CCDC122: variants seen among roughly 807,000 people sequenced by gnomAD.
The protein encoded by CCDC122 is coiled-coil domain containing 122, also known as coiled-coil domain-containing protein 122.
CCDC122 carries 38 observed loss-of-function variants against 37.0 expected under a neutral mutation model. The ratio of observed to expected loss-of-function variants is 1.03; its 90% CI spans 0.79 to 1.35. The LOEUF is 1.35. Among genes scored for constraint, CCDC122 ranks in the 40% most tolerant of loss-of-function variants. CCDC122 has a pLI of 0.00. For synonymous variants in CCDC122, 83 were observed against 95.6 expected (o/e 0.87, Z 0.77); for missense variants, 305 against 310.0 (o/e 0.98, Z 0.12).
chr13:43,833,426 G>T (rs998838450), downstream of CCDC122, among the ~76,000 whole-genome samples: 22 of 152,134 alleles, frequency 1.4e-4, no homozygotes, highest in African/African-American at 4.3e-4. Context: ...GCTTTCCTTT[G>T]CAGAAGACTC....
intron 6 of CCDC122, among the ~76,000 whole-genome samples, chr13:43,840,585 C>T (rs1179862508): frequency 6.6e-6 from 1 of 151,998 alleles, no homozygotes; most frequent in Admixed American, 6.5e-5. Flanking sequence ...CTTCCTGTGT[C>T]CATGTGTTCT....
At chr13:43,854,689 C>T (rs1321042319) in intron 6 of CCDC122, 1 of 152,106 alleles carries the variant, frequency 6.6e-6, no homozygotes, top group Admixed American at 6.6e-5. Context: ...AACTTCAGGT[C>T]AATATCCTTG....
At chr13:43,870,109 T>C (rs1175856460) in intron 2 of CCDC122, among the ~76,000 whole-genome samples, 1 of 152,156 alleles carries the variant, frequency 6.6e-6, no homozygotes, top group African/African-American at 2.4e-5. Flanking sequence ...ACCTGATATA[T>C]ATGCAACAAA....
At chr13:43,835,550 T>C (rs1953141474), downstream of CCDC122, among the ~76,000 whole-genome samples, 1 of 152,168 alleles carries the variant, frequency 6.6e-6, no homozygotes, top group Non-Finnish European at 1.5e-5. Flanking sequence ...ATTAAGGATA[T>C]TTTAGAAAAC....
intron 6 of CCDC122, among the ~76,000 whole-genome samples, chr13:43,841,066 CGGACAGTGGGTGCA>C (rs1301841356): frequency 1.3e-5 from 2 of 152,124 alleles, no homozygotes; most frequent in Non-Finnish European, 2.9e-5. Context: ...TGGGGAGTGT[CGGACAGTGGGTGCA>C]GGACAGTGGG....
intron 3 of CCDC122, among the ~76,000 whole-genome samples, chr13:43,830,452 T>C (rs1291451415): frequency 1.3e-5 from 2 of 152,010 alleles, no homozygotes; most frequent in Admixed American, 6.6e-5. Context: ...CCCAGAGAAA[T>C]TAGTAAGGGA....
downstream of CCDC122, among the ~76,000 whole-genome samples, chr13:43,821,508 G>A (rs1952992227): frequency 6.6e-6 from 1 of 152,216 alleles, no homozygotes; most frequent in South Asian, 2.1e-4. Context: ...ATAGGCGTAA[G>A]CCACTAGGCC....
At chr13:43,834,430 A>C (rs1439092800), downstream of CCDC122, among the ~76,000 whole-genome samples, 1 of 152,220 alleles carries the variant, frequency 6.6e-6, no homozygotes, top group Non-Finnish European at 1.5e-5. Flanking sequence ...CACCAAAAGC[A>C]ATGGCAACAA....
At chr13:43,851,285 T>C (rs7338481) in intron 6 of CCDC122, among the ~76,000 whole-genome samples, 1,812 of 152,260 alleles carry the variant, frequency 0.012, 38 homozygotes, top group African/African-American at 0.039. Context: ...TATGAGTAAA[T>C]AGACAGATAA....
intron 6 of CCDC122, among the ~76,000 whole-genome samples, chr13:43,838,484 T>TA (rs1953236024): frequency 6.6e-6 from 1 of 152,130 alleles, no homozygotes; most frequent in South Asian, 2.1e-4. Context: ...CCAATCTTCT[T>TA]AAAAAACAGC....
chr13:43,851,653 C>A (rs1270490884), intron 6 of CCDC122, among the ~76,000 whole-genome samples: 1 of 152,190 alleles, frequency 6.6e-6, no homozygotes, highest in Non-Finnish European at 1.5e-5. Flanking sequence ...TGCTGGCATG[C>A]ACAAACAAGA....
chr13:43,876,972 G>A (rs962491643), intron 1 of CCDC122, among the ~76,000 whole-genome samples: 7 of 152,094 alleles, frequency 4.6e-5, no homozygotes, highest in Admixed American at 6.5e-5. Context: ...TTAGCCGGGC[G>A]TGGTGGTGCA....
At chr13:43,861,121 T>C (rs1480406715) in intron 4 of CCDC122, among the ~76,000 whole-genome samples, 1 of 152,166 alleles carries the variant, frequency 6.6e-6, no homozygotes, top group Non-Finnish European at 1.5e-5. Context: ...GTAAGATGAT[T>C]TAAATTGGCT....
chr13:43,872,170 C>T (rs1954473120), intron 2 of CCDC122, among the ~76,000 whole-genome samples: 1 of 151,886 alleles, frequency 6.6e-6, no homozygotes, highest in Non-Finnish European at 1.5e-5. Flanking sequence ...TGCTGTTTAA[C>T]CCCGCAAGAC....
At chr13:43,830,198 C>A (rs1262222864) in intron 3 of CCDC122, among the ~76,000 whole-genome samples, 1 of 152,038 alleles carries the variant, frequency 6.6e-6, no homozygotes, top group Admixed American at 6.6e-5. Flanking sequence ...CTATTTAAAG[C>A]AAATAAATCA....
chr13:43,827,030 G>C (rs1006048422), intron 3 of CCDC122, among the ~76,000 whole-genome samples: 2 of 152,022 alleles, frequency 1.3e-5, no homozygotes, highest in Admixed American at 1.3e-4. Flanking sequence ...CACTTGGTTA[G>C]CTATATTTTC....
intron 5 of CCDC122, among the ~76,000 whole-genome samples, chr13:43,859,383 T>G (rs1954030544): frequency 6.6e-6 from 1 of 152,138 alleles, no homozygotes; most frequent in Non-Finnish European, 1.5e-5. Context: ...TGAATTACAT[T>G]TTCTACAACA....
At chr13:43,849,110 C>A in intron 6 of CCDC122, 2 of 841,740 alleles carry the variant, frequency 2.4e-6, no homozygotes, top group Non-Finnish European at 1.4e-6. Flanking sequence ...AAGTTCTTAA[C>A]TTTTCATTTT....
intron 6 of CCDC122, among the ~76,000 whole-genome samples, chr13:43,851,987 T>C (rs1953751185): frequency 6.6e-6 from 1 of 150,970 alleles, no homozygotes; most frequent in Admixed American, 6.6e-5. Flanking sequence ...CAGCTCAGAT[T>C]GAAGCATAAG....
Sources: gnomAD v4.1 joint callset for allele counts (sites outside exome capture counted in the v4.1 genomes callset) on GRCh38, gnomAD v4.1.1 for gene constraint, MANE v1.5 for transcripts, NCBI Gene and HGNC (gene_info 2026-07-23, HGNC 2026-07-21) for gene names.